Variants in PTPRT observed in about 807,000 individuals in gnomAD.
The protein encoded by PTPRT is protein tyrosine phosphatase receptor type T, also known as receptor-type tyrosine-protein phosphatase T.
Under a neutral mutation model 176.8 loss-of-function variants are expected in PTPRT, and 56 were observed. The ratio of observed to expected loss-of-function variants is 0.32; its 90% CI spans 0.26 to 0.40. The LOEUF (loss-of-function observed/expected upper bound fraction) is 0.40, where lower values mean the gene tolerates loss of function less well. Ranked by LOEUF, PTPRT falls within the 10% of genes least tolerant of loss-of-function variation. PTPRT has a pLI of 1.00. For synonymous variants in PTPRT, 783 were observed against 739.0 expected (o/e 1.06, Z -0.96); for missense variants, 1,540 against 1,908.2 (o/e 0.81, Z 3.60).
chr20:42,289,824 T>G (rs185296914), intron 12 of PTPRT, among the ~76,000 whole-genome samples: 2 of 152,228 alleles, frequency 1.3e-5, no homozygotes, highest in African/African-American at 4.8e-5. Context: ...CCACACGTTT[T>G]AAAGTCTGTT....
At chr20:42,034,446 G>T in the PTPRT span, among the ~76,000 whole-genome samples, 1 of 152,240 alleles carries the variant, frequency 6.6e-6, no homozygotes, top group South Asian at 2.1e-4. Flanking sequence ...GTTCACTAAG[G>T]ATAAAAGTTC....
At chr20:43,106,518 G>A (rs1232343537) in intron 1 of PTPRT, among the ~76,000 whole-genome samples, 1 of 151,846 alleles carries the variant, frequency 6.6e-6, no homozygotes, top group African/African-American at 2.4e-5. Flanking sequence ...TTAGCTGGGC[G>A]TGATGGCGGG....
intron 6 of PTPRT, among the ~76,000 whole-genome samples, chr20:42,736,403 CAAGT>C (rs1422450645): frequency 1.3e-5 from 2 of 152,150 alleles, no homozygotes; most frequent in Non-Finnish European, 2.9e-5. Flanking sequence ...AAAGAAGCAG[CAAGT>C]AATAGAGAAG....
intron 1 of PTPRT, among the ~76,000 whole-genome samples, chr20:42,938,189 G>C (rs1175196476): frequency 1.3e-5 from 2 of 152,148 alleles, no homozygotes; most frequent in Non-Finnish European, 2.9e-5. Context: ...ATTTTTTGAG[G>C]GGGAAGGTTG....
At chr20:42,550,414 A>T (rs2072747717) in intron 7 of PTPRT, among the ~76,000 whole-genome samples, 3 of 152,158 alleles carry the variant, frequency 2.0e-5, no homozygotes, top group Admixed American at 1.3e-4. Context: ...CTGAGCTTTT[A>T]AATTATATGA....
At position 43,083,362 on chromosome 20, in the gene PTPRT, ATATATAT is replaced by A. The variant is rs1568774323; in HGVS notation, c.88+106277_88+106283del. On this transcript the variant is annotated intron_variant, in intron 1 of 30. Transcript: ENST00000373187. The stretch of plus-strand genomic sequence containing the variant: ...TATATATATATATATATATATATAT[ATATATAT>A]ACATTTTTTGAGACAGAGTCTCGCT... 2.2e-3 allele frequency among the ~76,000 whole-genome samples: 282 copies of A among 125,728 alleles called. 11 individuals are homozygous for A. Among genetic ancestry groups the A allele is most frequent in the African/African-American group, 9.0e-3 (259 of 28,926 alleles). 82.5% of individuals were successfully genotyped at this position (125,728 alleles called of 152,430 possible).
intron 5 of PTPRT, among the ~76,000 whole-genome samples, chr20:42,760,349 G>A (rs2076897408): frequency 7.0e-6 from 1 of 142,862 alleles, no homozygotes; most frequent in South Asian, 2.4e-4. Context: ...CTACTGCCTT[G>A]AGATTTTCTG....
In PTPRT at chr20:42,292,078, A is replaced by T. The variant is rs140101404; in HGVS notation, c.2140-9553T>A. 4.4e-3 allele frequency among the ~76,000 whole-genome samples: 667 copies of T among 151,980 alleles called. 6 individuals are homozygous for T. The highest frequency in any genetic ancestry group is 7.3e-3 in the Non-Finnish European group (493 of 67,932). ...ACCTTTCCCTACCTTTGGAAAGCAT[A>T]TTTTTGCTCTGTTTGACTCTAGAGC... On this transcript the variant is annotated intron_variant, in intron 12 of 30. Transcript: ENST00000373187.
At chr20:42,698,746 T>C (rs2075924647) in intron 6 of PTPRT, among the ~76,000 whole-genome samples, 1 of 152,180 alleles carries the variant, frequency 6.6e-6, no homozygotes, top group Non-Finnish European at 1.5e-5. Context: ...ACTCATTATA[T>C]GCTTGGCCTC....
intron 1 of PTPRT, among the ~76,000 whole-genome samples, chr20:43,005,374 G>A (rs1212092420): frequency 6.6e-6 from 1 of 152,098 alleles, no homozygotes; most frequent in African/African-American, 2.4e-5. Flanking sequence ...CAAGCTCTGT[G>A]TCACCTCAGG....
chr20:42,244,357 TG>T (rs2056411257), intron 14 of PTPRT, among the ~76,000 whole-genome samples: 1 of 152,196 alleles, frequency 6.6e-6, no homozygotes, highest in South Asian at 2.1e-4. Flanking sequence ...AATACACTCT[TG>T]GAACAGAAGT....
At chr20:42,194,741 T>G (rs928297899) in intron 16 of PTPRT, among the ~76,000 whole-genome samples, 3 of 152,188 alleles carry the variant, frequency 2.0e-5, no homozygotes, top group African/African-American at 7.2e-5. Context: ...TGTTTGTCCT[T>G]GAAATGTGAC....
At chr20:42,983,974 G>A (rs1026072369) in intron 1 of PTPRT, among the ~76,000 whole-genome samples, 1 of 152,166 alleles carries the variant, frequency 6.6e-6, no homozygotes, top group Non-Finnish European at 1.5e-5. Context: ...CCAGCCTGGA[G>A]CTGACTGGTC....
rs753868829 is a variant in PTPRT, at chr20:42,352,275, T to C, written c.1571A>G (p.Lys524Arg). 3.1e-6 allele frequency: 5 copies of C among 1,614,060 alleles called. No individual in the cohort carries two copies. In the East Asian group the frequency reaches 6.7e-5, roughly 22 times the overall value. The change falls in exon 10 of 31, where the codon AAG becomes AGG. Residue 524 changes from lysine to arginine, a missense_variant. Physicochemically the swap from Lys to Arg is conservative, Grantham distance 26 (BLOSUM62 2). Coordinates refer to ENST00000373187, the MANE Select transcript of PTPRT (RefSeq NM_007050.6). Reference protein sequence around the residue: ...GVITLYEINYKAVGSLDPSAD... With the variant: ...GVITLYEINYRAVGSLDPSAD... Reference sequence around the variant, plus strand: ...ACTTGGGTCCAGCGAGCCGACAGCCTTGTAGTTGATCTGTAGGACAAGCCA... The same window carrying C: ...ACTTGGGTCCAGCGAGCCGACAGCCCTGTAGTTGATCTGTAGGACAAGCCA...
chr20:42,108,708 GAGAA>G (rs1394048594), intron 23 of PTPRT, among the ~76,000 whole-genome samples: 30 of 152,228 alleles, frequency 2.0e-4, no homozygotes, highest in Middle Eastern at 6.8e-3. Context: ...TGGGGAGGGG[GAGAA>G]AGAAAACATT....
intron 1 of PTPRT, among the ~76,000 whole-genome samples, chr20:43,032,326 C>G (rs1986171376): frequency 6.6e-6 from 1 of 151,936 alleles, no homozygotes; most frequent in Admixed American, 6.6e-5. Context: ...TTGAGTAGGT[C>G]AGGTCTAAGA....
At chr20:42,635,717 C>A (rs778896285) in intron 7 of PTPRT, among the ~76,000 whole-genome samples, 1 of 151,874 alleles carries the variant, frequency 6.6e-6, no homozygotes, top group Non-Finnish European at 1.5e-5. Context: ...TTTTTTGAAG[C>A]CTTAGATTTT....
chr20:43,188,037 T>C (rs1366591920), intron 1 of PTPRT, among the ~76,000 whole-genome samples: 1 of 152,306 alleles, frequency 6.6e-6, no homozygotes, highest in South Asian at 2.1e-4. Flanking sequence ...TGATGGAATA[T>C]TTTTGATCCT....
intron 1 of PTPRT, among the ~76,000 whole-genome samples, chr20:43,116,209 C>T (rs2013052517): frequency 6.6e-6 from 1 of 152,188 alleles, no homozygotes; most frequent in South Asian, 2.1e-4. Flanking sequence ...ACAGGATCAG[C>T]CCTGCAGAAT....
Sources: gnomAD v4.1 joint callset for allele counts (sites outside exome capture counted in the v4.1 genomes callset) on GRCh38, gnomAD v4.1.1 for gene constraint, MANE v1.5 for transcripts, NCBI Gene and HGNC (gene_info 2026-07-23, HGNC 2026-07-21) for gene names.